MYO18B: variants seen among roughly 807,000 people sequenced by gnomAD.
MYO18B encodes the protein myosin XVIIIB.
A neutral mutation model predicts 273.0 loss-of-function variants in MYO18B; 204 were observed. That is an observed-to-expected ratio of 0.75 (90% CI 0.67 to 0.84). The LOEUF (loss-of-function observed/expected upper bound fraction) is 0.84, where lower values mean the gene tolerates loss of function less well. Among genes scored for constraint, MYO18B ranks in the 40% least tolerant of loss-of-function variants. The pLI is 0.00. For missense variants in MYO18B, 3,212 were observed against 3,287.6 expected (o/e 0.98, Z 0.56); for synonymous variants, 1,330 against 1,305.7 (o/e 1.02, Z -0.40).
chr22:25,773,059 T>C (rs949839479), intron 7 of MYO18B, among the ~76,000 whole-genome samples: 7 of 152,130 alleles, frequency 4.6e-5, no homozygotes, highest in African/African-American at 1.4e-4. Context: ...TTAGTTTTTT[T>C]CCTCGGAAGT....
At chr22:25,966,586 C>T (rs1343684352) in intron 39 of MYO18B, among the ~76,000 whole-genome samples, 2 of 152,152 alleles carry the variant, frequency 1.3e-5, no homozygotes, top group Non-Finnish European at 2.9e-5. Context: ...CAGTGGGATC[C>T]AAAATGACCC....
intron 3 of MYO18B, 26 bp downstream of exon 3, chr22:25,763,415 C>T (rs775264383): frequency 3.2e-5 from 51 of 1,594,952 alleles, no homozygotes; most frequent in Admixed American, 7.6e-5. Context: ...GAAGGAGGAC[C>T]GTATGCGTTT....
chr22:25,856,767 G>A (rs1301187822), intron 21 of MYO18B, among the ~76,000 whole-genome samples: 2 of 152,192 alleles, frequency 1.3e-5, no homozygotes, highest in Non-Finnish European at 2.9e-5. Flanking sequence ...GGGCTGAGGA[G>A]TTTGACAGAA....
intron 22 of MYO18B, among the ~76,000 whole-genome samples, chr22:25,870,892 C>T (rs1456804961): frequency 2.0e-5 from 3 of 152,148 alleles, no homozygotes; most frequent in African/African-American, 7.2e-5. Context: ...ATGATCCTGG[C>T]AGCTCTTGCA....
intron 31 of MYO18B, 74 bp from the exon 32 acceptor site, chr22:25,908,248 T>G (rs2092086377): frequency 2.6e-6 from 3 of 1,173,778 alleles, no homozygotes; most frequent in Non-Finnish European, 3.7e-6. Context: ...GCAATTGGAA[T>G]GCCAAGGATG....
intron 1 of MYO18B, among the ~76,000 whole-genome samples, chr22:25,747,773 A>T (rs1451886991): frequency 6.6e-6 from 1 of 152,242 alleles, no homozygotes; most frequent in Non-Finnish European, 1.5e-5. Context: ...CCGGGGACAT[A>T]GCTGCTGCCA....
intron 12 of MYO18B, among the ~76,000 whole-genome samples, chr22:25,805,408 G>T (rs918371145): frequency 2.6e-5 from 4 of 152,216 alleles, no homozygotes; most frequent in African/African-American, 7.2e-5. Flanking sequence ...TCTCAGGTTG[G>T]ACCAGGGCAA....
At chr22:25,997,677 A>C (rs547456496) in intron 40 of MYO18B, among the ~76,000 whole-genome samples, 1 of 152,316 alleles carries the variant, frequency 6.6e-6, no homozygotes, top group Admixed American at 6.5e-5. Flanking sequence ...AGTGCAATTA[A>C]ATTGGTTATA....
intron 1 of MYO18B, among the ~76,000 whole-genome samples, chr22:25,759,348 A>G (rs2086228837): frequency 6.6e-6 from 1 of 150,902 alleles, no homozygotes; most frequent in East Asian, 1.9e-4. Flanking sequence ...CAGCCGTAAG[A>G]GAGAATGAGT....
intron 31 of MYO18B, among the ~76,000 whole-genome samples, chr22:25,907,688 A>C (rs541355202): frequency 3.2e-4 from 48 of 152,162 alleles, no homozygotes; most frequent in Non-Finnish European, 6.3e-4. Context: ...CTCACCCAGA[A>C]AACCATCGCT....
intron 11 of MYO18B, among the ~76,000 whole-genome samples, chr22:25,791,595 C>T (rs1388473723): frequency 6.6e-6 from 1 of 152,122 alleles, no homozygotes; most frequent in Non-Finnish European, 1.5e-5. Context: ...TTCTTTTTTG[C>T]AACCTAGCCT....
intron 34 of MYO18B, among the ~76,000 whole-genome samples, chr22:25,941,119 T>C (rs2018701): frequency 0.79 from 120,153 of 152,170 alleles, 48,792 homozygotes; most frequent in Middle Eastern, 0.94. Context: ...AAGTAAAAAT[T>C]GGAAGAGAAA....
chr22:25,965,372 A>C (rs2092966526), intron 39 of MYO18B, among the ~76,000 whole-genome samples: 1 of 152,168 alleles, frequency 6.6e-6, no homozygotes, highest in Non-Finnish European at 1.5e-5. Context: ...CCCATTGATG[A>C]TTAGGAGATG....
chr22:25,835,193 T>G, intron 16 of MYO18B, 103 bp from the exon 17 acceptor site: 1 of 1,399,226 alleles, frequency 7.1e-7, no homozygotes, highest in East Asian at 2.5e-5. Context: ...GTCCTGACAC[T>G]TGGGACTTGG....
rs571869633 is a variant in MYO18B at position 25,954,860 on chromosome 22, C to T, written c.5971-319C>T. ...CCAAGTAGCAGGGATTACAGGCATG[C>T]GCCACCACGCCCGGCTAATTTTTGT... On this transcript the variant is annotated intron_variant, in intron 38 of 43. Coordinates refer to ENST00000335473, the MANE Select transcript of MYO18B (RefSeq NM_032608.7). Among the ~76,000 whole-genome samples the T allele has an allele frequency of 5.3e-5, 8 of 152,162 alleles. No homozygotes were observed. In the South Asian group the frequency reaches 8.3e-4, roughly 16 times the overall value.
chr22:25,851,724 C>A, intron 21 of MYO18B, 145 bp downstream of exon 21: 2 of 666,998 alleles, frequency 3.0e-6, no homozygotes, highest in South Asian at 3.4e-5. Flanking sequence ...TCACTTGAGT[C>A]CAGGAGTACA....
intron 12 of MYO18B, among the ~76,000 whole-genome samples, chr22:25,821,753 G>A (rs1202244471): frequency 1.3e-5 from 2 of 152,204 alleles, no homozygotes; most frequent in African/African-American, 4.8e-5. Context: ...CTCCAGCCTG[G>A]GCGAGAGTGA....
chr22:25,943,505 C>T (rs1390531016), intron 34 of MYO18B, among the ~76,000 whole-genome samples: 1 of 152,106 alleles, frequency 6.6e-6, no homozygotes, highest in Non-Finnish European at 1.5e-5. Flanking sequence ...GCTCACAAGC[C>T]TCAGAGATGT....
At chr22:25,759,513 C>T (rs1463074682) in intron 1 of MYO18B, among the ~76,000 whole-genome samples, 1 of 151,346 alleles carries the variant, frequency 6.6e-6, no homozygotes, top group Admixed American at 6.6e-5. Context: ...ACACTGGGGC[C>T]TGTCGAGGGG....
Sources: allele counts gnomAD v4.1 joint callset (sites outside exome capture counted in the v4.1 genomes callset), GRCh38; gene constraint gnomAD v4.1.1; transcripts MANE v1.5; gene names NCBI Gene and HGNC (gene_info 2026-07-23, HGNC 2026-07-21).